The following TMEM131L variants were observed in gnomAD, a reference collection of about 807,000 sequenced individuals.
TMEM131L encodes transmembrane 131 like, also known as transmembrane protein 131-like.
A neutral mutation model predicts 192.2 loss-of-function variants in TMEM131L; 54 were observed. The observed-to-expected ratio is 0.28, with a 90% CI of 0.23 to 0.35. The LOEUF is 0.35. Ranked by LOEUF, TMEM131L falls within the 10% of genes least tolerant of loss-of-function variation. The probability of loss-of-function intolerance (pLI) is 1.00; values close to 1 mark genes in which losing one functional copy is unlikely to be tolerated. For synonymous variants in TMEM131L, 701 were observed against 704.9 expected (o/e 0.99, Z 0.09); for missense variants, 1,888 against 1,972.9 (o/e 0.96, Z 0.82).
chr4:153,505,105 CTTTCTTTTTTTT>C (rs1422771778), intron 3 of TMEM131L, among the ~76,000 whole-genome samples: 1 of 149,300 alleles, frequency 6.7e-6, no homozygotes, highest in Non-Finnish European at 1.5e-5. Context: ...TTCTTTCTTT[CTTTCTTTTTTTT>C]TTTTTTTGAG....
At chr4:153,476,611 G>A (rs1198444169) in intron 3 of TMEM131L, among the ~76,000 whole-genome samples, 1 of 152,014 alleles carries the variant, frequency 6.6e-6, no homozygotes, top group Non-Finnish European at 1.5e-5. Flanking sequence ...GCAGGAGAAT[G>A]GCATGAACCC....
chr4:153,519,778 G>A (rs1049499024), intron 3 of TMEM131L, among the ~76,000 whole-genome samples: 2 of 152,174 alleles, frequency 1.3e-5, no homozygotes, highest in Admixed American at 6.5e-5. Context: ...TAGGAAGATG[G>A]CTTGTGGCTT....
intron 7 of TMEM131L, among the ~76,000 whole-genome samples, 170 bp from the exon 8 acceptor site, chr4:153,580,656 T>G (rs1175623230): frequency 6.6e-6 from 1 of 152,214 alleles, no homozygotes; most frequent in Non-Finnish European, 1.5e-5. Context: ...CTGTTTAGCT[T>G]ACTGTTGTGT....
chr4:153,629,485 G>T (rs540068049), intron 31 of TMEM131L, among the ~76,000 whole-genome samples: 185 of 152,194 alleles, frequency 1.2e-3, no homozygotes, highest in African/African-American at 4.1e-3. Context: ...AATACTTCCC[G>T]TCATTAAAAA....
chr4:153,515,458 A>ATTGTTGGCAATATG (rs1734665219), intron 3 of TMEM131L, among the ~76,000 whole-genome samples: 1 of 152,250 alleles, frequency 6.6e-6, no homozygotes, highest in Non-Finnish European at 1.5e-5. Flanking sequence ...TCCATTGTAT[A>ATTGTTGGCAATATG]GATAGATCAC....
At chr4:153,486,648 G>T (rs1255352432) in intron 3 of TMEM131L, among the ~76,000 whole-genome samples, 1 of 152,202 alleles carries the variant, frequency 6.6e-6, no homozygotes, top group African/African-American at 2.4e-5. Flanking sequence ...CAGCCTCCCA[G>T]CCTCCCACCT....
intron 7 of TMEM131L, among the ~76,000 whole-genome samples, chr4:153,572,667 G>T (rs114053105): frequency 0.013 from 1,914 of 152,226 alleles, 29 homozygotes; most frequent in African/African-American, 0.04. Context: ...GCTGTGTCTA[G>T]CTCTTGCCTT....
chr4:153,574,428 AT>A (rs1729798550), intron 7 of TMEM131L, among the ~76,000 whole-genome samples: 1 of 152,138 alleles, frequency 6.6e-6, no homozygotes, highest in South Asian at 2.1e-4. Flanking sequence ...GAAACACTAA[AT>A]TAGGAGTGTG....
At chr4:153,487,727 A>T (rs1439092471) in intron 3 of TMEM131L, among the ~76,000 whole-genome samples, 42 of 144,710 alleles carry the variant, frequency 2.9e-4, no homozygotes, top group African/African-American at 8.9e-4. Context: ...TGTGAGAGAG[A>T]GAGAGAGAGA....
At chr4:153,596,428 C>T (rs754095435) in intron 20 of TMEM131L, 43 bp downstream of exon 20, 93 of 1,605,272 alleles carry the variant, frequency 5.8e-5, no homozygotes, top group Non-Finnish European at 7.5e-5. Context: ...TTCTCAATGA[C>T]TCATCTGTGT....
chr4:153,600,676 GC>G (rs1402947488), intron 21 of TMEM131L, among the ~76,000 whole-genome samples: 1 of 152,192 alleles, frequency 6.6e-6, no homozygotes, highest in African/African-American at 2.4e-5. Context: ...AACACAGAAA[GC>G]ATTTTAGTGT....
chr4:153,511,164 A>G (rs1293735705), intron 3 of TMEM131L, among the ~76,000 whole-genome samples: 1 of 152,232 alleles, frequency 6.6e-6, no homozygotes, highest in South Asian at 2.1e-4. Context: ...TTGTTCTATC[A>G]TAAAGACACA....
At position 153,623,037 on chromosome 4, in the gene TMEM131L, C is replaced by G; in HGVS notation, c.3999C>G (p.Asp1333Glu). 6.2e-7 allele frequency: 1 copy of G among 1,613,462 alleles called. No individual in the cohort carries two copies. The highest frequency in any genetic ancestry group is 8.5e-7 in the Non-Finnish European group (1 of 1,179,792). Residue 1333 changes from aspartate to glutamate, a missense_variant, in exon 29 of 35, where the codon GAC becomes GAG. Coordinates refer to ENST00000409959, the MANE Select transcript of TMEM131L (RefSeq NM_001131007.2). Reference sequence around the variant, plus strand: ...GCTGGAGCAGCACCAGCAGCTCCGACGGGGATAAGAAGCCCATGGTGGACG... The same window carrying G: ...GCTGGAGCAGCACCAGCAGCTCCGAGGGGGATAAGAAGCCCATGGTGGACG... ...WGSWSSTSSSDGDKKPMVDAQ... is the reference protein window; with the variant it reads ...WGSWSSTSSSEGDKKPMVDAQ...
At chr4:153,488,610 T>C (rs563854524) in intron 3 of TMEM131L, among the ~76,000 whole-genome samples, 2 of 152,300 alleles carry the variant, frequency 1.3e-5, no homozygotes, top group South Asian at 4.1e-4. Context: ...GTGGGAGCAT[T>C]TGCCAGCTGA....
At chr4:153,633,708 A>C (rs536561743) in intron 32 of TMEM131L, among the ~76,000 whole-genome samples, 1 of 152,254 alleles carries the variant, frequency 6.6e-6, no homozygotes, top group East Asian at 1.9e-4. Flanking sequence ...TTATTACAAC[A>C]GTATTTCCTA....
chr4:153,623,343 A>G (rs954701378), intron 29 of TMEM131L, among the ~76,000 whole-genome samples: 1 of 151,766 alleles, frequency 6.6e-6, no homozygotes, highest in African/African-American at 2.4e-5. Context: ...TTAGTTTGTC[A>G]TTTGTACATT....
intron 3 of TMEM131L, among the ~76,000 whole-genome samples, chr4:153,528,313 G>A (rs1735647020): frequency 6.6e-6 from 1 of 152,170 alleles, no homozygotes; most frequent in Non-Finnish European, 1.5e-5. Context: ...GATTTGTGTG[G>A]GTGATAAAAC....
intron 10 of TMEM131L, 45 bp downstream of exon 10, chr4:153,583,293 G>A: frequency 2.0e-6 from 2 of 992,138 alleles, no homozygotes; most frequent in African/African-American, 1.6e-5. Context: ...AATTGCAAGT[G>A]TGCATTTAAT....
chr4:153,567,547 C>CTT lies in TMEM131L; in HGVS notation c.660+9192_660+9193dup, dbSNP rs33994147. Among the ~76,000 whole-genome samples the CTT allele has an allele frequency of 6.5e-5, 9 of 139,084 alleles. No homozygotes were observed. In the Middle Eastern group the frequency reaches 0.015, roughly 229 times the overall value. 91.2% of individuals were successfully genotyped at this position (139,084 alleles called of 152,430 possible). A position where few individuals can be genotyped will look rare whatever the true frequency, so the allele number is the denominator to read the frequency against. Reference sequence around the variant, plus strand: ...AGCTAGATTTTTTTTTTCCCCCAGGCTTTTTTTTTTTTTTGAGACAGACTT... The same window carrying CTT: ...AGCTAGATTTTTTTTTTCCCCCAGGCTTTTTTTTTTTTTTTTGAGACAGACTT... On this transcript the variant is annotated intron_variant, in intron 7 of 34. Transcript: ENST00000409959.
Sources: allele counts gnomAD v4.1 joint callset (sites outside exome capture counted in the v4.1 genomes callset), GRCh38; gene constraint gnomAD v4.1.1; transcripts MANE v1.5; gene names NCBI Gene and HGNC (gene_info 2026-07-23, HGNC 2026-07-21).